The following MYOM2 variants were observed in gnomAD, a reference collection of about 807,000 sequenced individuals.
MYOM2 encodes myomesin-2.
In MYOM2, 254 loss-of-function variants were observed where a neutral mutation model predicts 187.6. That is an observed-to-expected ratio of 1.35 (90% confidence interval 1.22 to 1.50). The LOEUF (loss-of-function observed/expected upper bound fraction) is 1.50. Among genes scored for constraint, MYOM2 ranks in the 40% most tolerant of loss-of-function variants. MYOM2 has a pLI of 0.00. For missense variants in MYOM2, 2,796 were observed against 1,924.0 expected (o/e 1.45, Z -8.48); for synonymous variants, 981 against 753.8 (o/e 1.30, Z -4.94).
intron 3 of MYOM2, among the ~76,000 whole-genome samples, chr8:2,056,348 A>C (rs1818663150): frequency 1.3e-5 from 2 of 152,094 alleles, no homozygotes; most frequent in African/African-American, 4.8e-5. Context: ...CGAGCGTCCT[A>C]ATTTCAGTGG....
At position 2,123,236 on chromosome 8, in the gene MYOM2, G is replaced by C; in HGVS notation, c.3454-16G>C. 6.4e-7 allele frequency: 1 copy of C among 1,550,986 alleles called. No homozygotes were observed. The highest frequency in any genetic ancestry group is 8.9e-7 in the Non-Finnish European group (1 of 1,128,006). ...AGAATGATTTACACACTAAACTTAA[G>C]CTTTCTACCTCACAGGTTGCAAACA... On this transcript the variant is annotated splice_polypyrimidine_tract_variant and intron_variant, in intron 28 of 36. Coordinates refer to ENST00000262113, the MANE Select transcript of MYOM2 (RefSeq NM_003970.4).
rs1057325185 is a variant in MYOM2, at chr8:2,101,031, A to G, written c.2596A>G (p.Thr866Ala). 1.9e-6 allele frequency: 3 copies of G among 1,614,048 alleles called. No homozygotes were observed. The highest frequency in any genetic ancestry group is 2.5e-6 in the Non-Finnish European group (3 of 1,180,048). Residue 866 changes from threonine to alanine, a missense_variant, in exon 20 of 37, where the codon ACA becomes GCA. Physicochemically the swap from Thr to Ala is moderately conservative, Grantham distance 58. Transcript: ENST00000262113. ...AGAGTGGATCACTGTCAATCAGACG[A>G]CAACAGCCAGCCGTTATTTAAAGGT... ...AGEWITVNQT[T>A]TASRYLKVSD...
intron 32 of MYOM2, among the ~76,000 whole-genome samples, chr8:2,134,711 G>T (rs1798006736): frequency 6.6e-6 from 1 of 152,162 alleles, no homozygotes; most frequent in Non-Finnish European, 1.5e-5. Context: ...CTGTTACTTT[G>T]CTCAAATTGT....
chr8:2,078,643 A>G (rs1819514452), intron 11 of MYOM2, 91 bp from the exon 12 acceptor site: 1 of 1,160,400 alleles, frequency 8.6e-7, no homozygotes, highest in Non-Finnish European at 1.3e-6. Flanking sequence ...TCCTGTTATA[A>G]TCAGTGTGTG....
chr8:2,115,236 G>A (rs1389182284), intron 25 of MYOM2, among the ~76,000 whole-genome samples: 1 of 151,212 alleles, frequency 6.6e-6, no homozygotes, highest in Non-Finnish European at 1.5e-5. Flanking sequence ...TGGGGAAAAT[G>A]GTTTTAGTGA....
intron 25 of MYOM2, among the ~76,000 whole-genome samples, chr8:2,112,701 T>C (rs909532660): frequency 6.6e-6 from 1 of 152,158 alleles, no homozygotes; most frequent in Admixed American, 6.5e-5. Flanking sequence ...GCCTCTCCGG[T>C]GGCACTGGCA....
Position 2,140,893 on chromosome 8 carries a change from G to A in MYOM2, c.3964+7G>A. The A allele has an allele frequency of 6.3e-7, 1 of 1,597,764 alleles. No individual in the cohort carries two copies. Among genetic ancestry groups the A allele is most frequent in the South Asian group, 1.1e-5 (1 of 88,748 alleles). ...CTTGACCTGTCCGGACAAGGTAAGA[G>A]AATTCTTCTTTAGCATTTAATAATT... On this transcript the variant is annotated splice_region_variant and intron_variant, in intron 33 of 36. Transcript: ENST00000262113.
chr8:2,086,470 ACACT>A (rs1796070499), intron 14 of MYOM2, among the ~76,000 whole-genome samples: 1 of 96,374 alleles, frequency 1.0e-5, no homozygotes, highest in Non-Finnish European at 2.0e-5. Flanking sequence ...ACGTGGCCAC[ACACT>A]GTCATGATCT....
chr8:2,112,012 C>A (rs904674596), intron 25 of MYOM2, among the ~76,000 whole-genome samples: 6 of 152,086 alleles, frequency 3.9e-5, no homozygotes, highest in African/African-American at 1.4e-4. Flanking sequence ...ACACGTAAAC[C>A]CTGAATGTCA....
chr8:2,048,549 C>G (rs561209019), intron 1 of MYOM2, among the ~76,000 whole-genome samples: 2 of 149,444 alleles, frequency 1.3e-5, no homozygotes, highest in Admixed American at 6.6e-5. Context: ...AGACAGCAAC[C>G]GATTTCGGTA....
intron 11 of MYOM2, among the ~76,000 whole-genome samples, chr8:2,077,493 C>G (rs1382853349): frequency 6.6e-6 from 1 of 152,128 alleles, no homozygotes; most frequent in Non-Finnish European, 1.5e-5. Context: ...ATTCTCTTTT[C>G]TCTTCCAACA....
At chr8:2,048,291 T>G (rs1818373238) in intron 1 of MYOM2, among the ~76,000 whole-genome samples, 1 of 152,196 alleles carries the variant, frequency 6.6e-6, no homozygotes, top group South Asian at 2.1e-4. Context: ...TGAAACGTCT[T>G]CCCCAACCTT....
intron 12 of MYOM2, 122 bp downstream of exon 12, chr8:2,079,055 A>C (rs1819532852): frequency 2.2e-6 from 2 of 901,444 alleles, no homozygotes; most frequent in Non-Finnish European, 1.7e-6. Context: ...TGTGCAGAGC[A>C]TAGCACAGGC....
At chr8:2,093,802 C>A (rs1332567139) in intron 16 of MYOM2, among the ~76,000 whole-genome samples, 168 bp from the exon 17 acceptor site, 1 of 152,162 alleles carries the variant, frequency 6.6e-6, no homozygotes, top group Non-Finnish European at 1.5e-5. Context: ...GGTGCTGTGA[C>A]CTTACTGTCG....
intron 14 of MYOM2, among the ~76,000 whole-genome samples, chr8:2,086,740 G>A (rs1249828158): frequency 6.6e-6 from 1 of 152,224 alleles, no homozygotes; most frequent in Non-Finnish European, 1.5e-5. Context: ...GTTCTTCACT[G>A]CCGTGTGGAG....
At chr8:2,050,358 C>G (rs1818442393) in intron 1 of MYOM2, among the ~76,000 whole-genome samples, 1 of 152,188 alleles carries the variant, frequency 6.6e-6, no homozygotes, top group Non-Finnish European at 1.5e-5. Context: ...GGGCTCTTGG[C>G]TCTTATCGTA....
At chr8:2,076,861 T>G (rs1232188088) in intron 11 of MYOM2, among the ~76,000 whole-genome samples, 11 of 152,246 alleles carry the variant, frequency 7.2e-5, no homozygotes, top group Admixed American at 6.5e-4. Flanking sequence ...ATTCTTTGAC[T>G]TCCCGTACTG....
At chr8:2,052,079 G>A (rs1217653882) in intron 2 of MYOM2, 79 bp from the exon 3 acceptor site, 5 of 1,581,652 alleles carry the variant, frequency 3.2e-6, no homozygotes, top group Middle Eastern at 1.7e-4. Context: ...GGTGTGTAGA[G>A]AGAAAGTGAT....
Position 2,076,176 on chromosome 8 carries a change from C to T in MYOM2, c.1156C>T (p.Pro386Ser), listed in dbSNP as rs561672305. The T allele has an allele frequency of 5.0e-6, 8 of 1,613,220 alleles. No individual in the cohort carries two copies. The highest frequency in any genetic ancestry group is 1.3e-5 in the African/African-American group (1 of 75,022). Residue 386 changes from proline to serine, a missense_variant, in exon 11 of 37, where the codon CCC becomes TCC. Physicochemically the swap from Pro to Ser is moderately conservative, Grantham distance 74. Transcript: ENST00000262113. ...DPLVTGAPGA[P>S]MDLQCHDANR... ...GCTGGTCACAGGGGCCCCCGGTGCA[C>T]CCATGGACTTGCAGTGCCACGACGC...
Sources: allele counts gnomAD v4.1 joint callset (sites outside exome capture counted in the v4.1 genomes callset), GRCh38; gene constraint gnomAD v4.1.1; transcripts MANE v1.5; gene names NCBI Gene and HGNC (gene_info 2026-07-23, HGNC 2026-07-21).